Variants in RPF2 observed in about 807,000 individuals in gnomAD.
RPF2 encodes the protein ribosome production factor 2 homolog.
RPF2 carries 21 observed loss-of-function variants against 38.9 expected under a neutral mutation model. The observed-to-expected ratio is 0.54, with a 90% CI of 0.38 to 0.78. The LOEUF (loss-of-function observed/expected upper bound fraction) is 0.78. RPF2 is among the 30% of genes least tolerant of loss of function. RPF2 has a pLI of 0.00. For missense variants in RPF2, 314 were observed against 358.1 expected (o/e 0.88, Z 0.99); for synonymous variants, 121 against 126.2 (o/e 0.96, Z 0.28).
Position 110,984,990 on chromosome 6 carries a change from G to A in RPF2, c.24-16G>A, listed in dbSNP as rs976365163. 2 of 1,606,358 alleles carry A rather than the reference G, an allele frequency of 1.2e-6. No homozygotes were observed. The highest frequency in any genetic ancestry group is 1.7e-6 in the Non-Finnish European group (2 of 1,177,618). ...GAAAATGTTTAAATAGTTATGAATT[G>A]TGCTTTTCTGAACAGAAAGCCCAAA... is the stretch of plus-strand genomic sequence containing the variant. On this transcript the variant is annotated splice_polypyrimidine_tract_variant and intron_variant, in intron 1 of 9. Coordinates refer to ENST00000441448, the MANE Select transcript of RPF2 (RefSeq NM_032194.3).
intron 3 of RPF2, among the ~76,000 whole-genome samples, chr6:110,990,407 A>G (rs1027145811): frequency 6.6e-5 from 10 of 152,004 alleles, no homozygotes; most frequent in Non-Finnish European, 1.0e-4. Flanking sequence ...TTATCCCTCA[A>G]TTTGGGTTTA....
intron 2 of RPF2, among the ~76,000 whole-genome samples, chr6:110,986,238 A>G (rs1583257018): frequency 6.6e-6 from 1 of 152,220 alleles, no homozygotes; most frequent in Non-Finnish European, 1.5e-5. Flanking sequence ...CCGTGTAATC[A>G]TTGAAAGATA....
intron 1 of RPF2, 31 bp downstream of exon 1, chr6:110,982,160 C>G (rs879007822): frequency 3.7e-6 from 6 of 1,613,208 alleles, no homozygotes; most frequent in East Asian, 2.2e-5. Context: ...CCCCGGGGAG[C>G]GTTGGGGTGA....
At position 111,024,585 on chromosome 6, in the gene RPF2, C is replaced by T. The variant is rs538438081; in HGVS notation, c.741+258C>T. 2.6e-5 allele frequency among the ~76,000 whole-genome samples: 4 copies of T among 151,364 alleles called. No homozygotes were observed. In the South Asian group the frequency reaches 6.3e-4, roughly 24 times the overall value. ...AAAATTAGCTGGGCGTGGTAGCGGGCGCCTGTAGTCCCAGCTACTTGGGAG... is the reference window on the plus strand; with the variant it reads ...AAAATTAGCTGGGCGTGGTAGCGGGTGCCTGTAGTCCCAGCTACTTGGGAG... On this transcript the variant is annotated intron_variant, in intron 9 of 9. Coordinates refer to ENST00000441448, the MANE Select transcript of RPF2 (RefSeq NM_032194.3).
intron 6 of RPF2, among the ~76,000 whole-genome samples, chr6:111,002,573 T>C (rs965254319): frequency 6.6e-6 from 1 of 152,080 alleles, no homozygotes; most frequent in Admixed American, 6.6e-5. Flanking sequence ...GTTCAAGCGA[T>C]CCTCCCGCCT....
At chr6:111,017,403 C>T (rs1772141209) in intron 8 of RPF2, among the ~76,000 whole-genome samples, 2 of 151,166 alleles carry the variant, frequency 1.3e-5, no homozygotes, top group South Asian at 2.1e-4. Context: ...GGAGACGCTC[C>T]TCACTTCCCA....
intron 8 of RPF2, among the ~76,000 whole-genome samples, chr6:111,020,741 A>G (rs920949263): frequency 2.6e-5 from 4 of 152,246 alleles, no homozygotes; most frequent in Non-Finnish European, 5.9e-5. Context: ...TGCACCTGTA[A>G]TCCCAGCTAC....
intron 4 of RPF2, among the ~76,000 whole-genome samples, chr6:110,993,554 G>A (rs1771657277): frequency 6.6e-6 from 1 of 152,008 alleles, no homozygotes; most frequent in Non-Finnish European, 1.5e-5. Flanking sequence ...ACTTAATCAA[G>A]GCCTGGTTTT....
intron 7 of RPF2, among the ~76,000 whole-genome samples, chr6:111,012,699 T>A (rs1379960599): frequency 6.6e-6 from 1 of 152,162 alleles, no homozygotes; most frequent in Non-Finnish European, 1.5e-5. Context: ...AAATGGAGTC[T>A]CACTCTGTCA....
intron 6 of RPF2, 41 bp downstream of exon 6, chr6:110,999,828 C>G (rs1771783111): frequency 1.8e-6 from 2 of 1,126,296 alleles, no homozygotes; most frequent in Non-Finnish European, 2.7e-6. Flanking sequence ...TGTAATGCTT[C>G]TCTTGACCAG....
intron 8 of RPF2, among the ~76,000 whole-genome samples, chr6:111,016,673 TTTTTTTTTTCTTTC>T (rs1193058469): frequency 2.3e-5 from 3 of 130,026 alleles, no homozygotes; most frequent in African/African-American, 6.3e-5. Flanking sequence ...TGTGGTTCTT[TTTTTTTTTTCTTTC>T]TTTTTTTTTT....
chr6:111,025,998 A>G lies in RPF2; in HGVS notation c.*416A>G, dbSNP rs1221552718. ...ACCTCCTCTCCCAACATGGATCTACATTCTGATTTTTATTTTCTACTTTTA... is the reference window on the plus strand; with the variant it reads ...ACCTCCTCTCCCAACATGGATCTACGTTCTGATTTTTATTTTCTACTTTTA... On this transcript the variant is annotated 3_prime_UTR_variant, in exon 10 of 10. Coordinates refer to ENST00000441448, the MANE Select transcript of RPF2 (RefSeq NM_032194.3). 6.7e-6 allele frequency: 1 copy of G among 148,986 alleles called. No homozygotes were observed. The highest frequency in any genetic ancestry group is 1.5e-5 in the Non-Finnish European group (1 of 67,786). 9.2% of individuals were successfully genotyped at this position (148,986 alleles called of 1,614,324 possible). A position where few individuals can be genotyped will look rare whatever the true frequency, so the allele number is the denominator to read the frequency against.
rs1484878134 is a variant in RPF2 at position 110,982,159 on chromosome 6, G to C, written c.23+30G>C. The C allele has an allele frequency of 2.5e-6, 4 of 1,613,232 alleles. No individual in the cohort carries two copies. The South Asian group carries it at 4.4e-5, about 18-fold the overall frequency. ...GTGCGCTGGGTCTCAGCCCCGGGGA[G>C]CGTTGGGGTGAAAGGGTCCCGTGAT... is the stretch of plus-strand genomic sequence containing the variant. On this transcript the variant is annotated intron_variant, in intron 1 of 9. Transcript: ENST00000441448.
chr6:110,994,229 T>G (rs1771668623), intron 4 of RPF2, among the ~76,000 whole-genome samples: 1 of 150,780 alleles, frequency 6.6e-6, no homozygotes, highest in Middle Eastern at 3.2e-3. Context: ...GAGCCAAGAT[T>G]GTGGCATTGC....
intron 5 of RPF2, among the ~76,000 whole-genome samples, chr6:110,997,899 CTT>C (rs36109711): frequency 2.3e-4 from 33 of 141,608 alleles, no homozygotes; most frequent in East Asian, 6.1e-4. Flanking sequence ...TTCTTTTCTT[CTT>C]TTTTTTTTTT....
intron 1 of RPF2, 106 bp downstream of exon 1, chr6:110,982,235 A>C: frequency 7.7e-7 from 1 of 1,303,618 alleles, no homozygotes; most frequent in Non-Finnish European, 1.1e-6. Flanking sequence ...CCCTCTAATT[A>C]CCTGGGTGGG....
At chr6:111,007,599 G>A (rs1771934074) in intron 6 of RPF2, among the ~76,000 whole-genome samples, 1 of 151,928 alleles carries the variant, frequency 6.6e-6, no homozygotes, top group Admixed American at 6.6e-5. Flanking sequence ...ACATCATTTT[G>A]GAACAGTTAA....
chr6:110,989,133 G>A lies in RPF2; in HGVS notation c.194+68G>A, dbSNP rs1264919867. 4 of 1,376,586 alleles carry A rather than the reference G, an allele frequency of 2.9e-6. No homozygotes were observed. In the Admixed American group the frequency reaches 1.4e-4, roughly 47 times the overall value. The allele number at this position is 1,376,586 out of a possible 1,614,324, so 85.3% of individuals were successfully genotyped here. A position where few individuals can be genotyped will look rare whatever the true frequency, so the allele number is the denominator to read the frequency against. On this transcript the variant is annotated intron_variant, in intron 3 of 9. Transcript: ENST00000441448. Reference sequence around the variant, plus strand: ...TCATTATAAAAGTAACCACTTTATGGAAGATTTGGAAAACAAAAACTTTTT... The same window carrying A: ...TCATTATAAAAGTAACCACTTTATGAAAGATTTGGAAAACAAAAACTTTTT...
rs144507686 is a variant in RPF2, at chr6:110,997,997, C to T, written c.316+733C>T. Among the ~76,000 whole-genome samples the T allele has an allele frequency of 5.2e-3, 791 of 151,896 alleles. 6 individuals carry two copies. Among genetic ancestry groups the T allele is most frequent in the Middle Eastern group, 0.024 (7 of 294 alleles). On this transcript the variant is annotated intron_variant, in intron 5 of 9. Coordinates refer to ENST00000441448, the MANE Select transcript of RPF2 (RefSeq NM_032194.3). ...TCGGCTCACTACAACCTCCGCCTCC[C>T]GAGTTCAAGCAATTCTCCTGCCTCA...
Sources: allele counts gnomAD v4.1 joint callset (sites outside exome capture counted in the v4.1 genomes callset), GRCh38; gene constraint gnomAD v4.1.1; transcripts MANE v1.5; gene names NCBI Gene and HGNC (gene_info 2026-07-23, HGNC 2026-07-21).